The following PLD1 variants were observed in gnomAD, a reference collection of about 807,000 sequenced individuals.
The protein encoded by PLD1 is choline phosphatase 1.
In PLD1, 112 loss-of-function variants were observed where a neutral mutation model predicts 137.1. The ratio of observed to expected loss-of-function variants is 0.82; its 90% CI spans 0.70 to 0.96. The LOEUF (loss-of-function observed/expected upper bound fraction) is 0.96. Ranked by LOEUF, PLD1 falls within the 40% of genes least tolerant of loss-of-function variation. The pLI is 0.00. For synonymous variants in PLD1, 431 were observed against 454.7 expected, an observed-to-expected ratio of 0.95 and a Z score of 0.66; for missense variants, 1,321 against 1,342.0, an observed-to-expected ratio of 0.98 and a Z score of 0.24.
At chr3:171,617,159 T>C (rs1733185593) in intron 24 of PLD1, among the ~76,000 whole-genome samples, 2 of 152,234 alleles carry the variant, frequency 1.3e-5, no homozygotes, top group African/African-American at 4.8e-5. Context: ...CAGGCATTGG[T>C]ATACCACTCC....
chr3:171,708,651 T>TA, intron 11 of PLD1, 104 bp downstream of exon 11: 2 of 663,642 alleles, frequency 3.0e-6, no homozygotes, highest in Non-Finnish European at 5.4e-6. Flanking sequence ...CATCCACAGA[T>TA]ACAGCTGATT....
chr3:171,773,727 C>T (rs1486331139), intron 1 of PLD1, among the ~76,000 whole-genome samples: 4 of 151,286 alleles, frequency 2.6e-5, no homozygotes, highest in Non-Finnish European at 5.9e-5. Context: ...AACATTACCA[C>T]TCTATTATTA....
chr3:171,785,988 T>TCA (rs2108346350), intron 1 of PLD1, among the ~76,000 whole-genome samples: 1 of 152,312 alleles, frequency 6.6e-6, no homozygotes, highest in East Asian at 1.9e-4. Context: ...CAGGAGGGGT[T>TCA]CAATAACTGC....
At chr3:171,647,435 A>C (rs1736338543) in intron 21 of PLD1, among the ~76,000 whole-genome samples, 1 of 152,012 alleles carries the variant, frequency 6.6e-6, no homozygotes, top group African/African-American at 2.4e-5. Flanking sequence ...TGTAATATAA[A>C]ATTTGCCATT....
chr3:171,725,985 C>T lies in PLD1; in HGVS notation c.665+33G>A, dbSNP rs367901197. The T allele has an allele frequency of 8.4e-5, 123 of 1,472,962 alleles. 1 individual carries two copies. The African/African-American group carries it at 1.5e-3, about 18-fold the overall frequency. The allele number at this position is 1,472,962 out of a possible 1,614,324, so 91.2% of individuals were successfully genotyped here. On this transcript the variant is annotated intron_variant, in intron 7 of 26. Transcript: ENST00000351298. ...TAAGTGTGAATGCAAATCAATTTTT[C>T]ATACTTCTCTTTTAAGGTTTATTGC...
At chr3:171,766,465 C>T (rs913475280) in intron 1 of PLD1, among the ~76,000 whole-genome samples, 59 of 152,092 alleles carry the variant, frequency 3.9e-4, no homozygotes, top group Non-Finnish European at 6.9e-4. Flanking sequence ...ATAACACACA[C>T]ATAGAGAGGT....
At chr3:171,691,842 T>C (rs891356938) in intron 13 of PLD1, among the ~76,000 whole-genome samples, 1 of 116,798 alleles carries the variant, frequency 8.6e-6, no homozygotes, top group Non-Finnish European at 1.8e-5. Context: ...TGATAGGTTT[T>C]AGATATTGGC....
intron 22 of PLD1, 52 bp from the exon 23 acceptor site, chr3:171,642,941 C>T: frequency 1.0e-6 from 1 of 976,670 alleles, no homozygotes; most frequent in Non-Finnish European, 1.6e-6. Context: ...AACAACCAAT[C>T]CCATGCAGTA....
intron 6 of PLD1, 24 bp from the exon 7 acceptor site, chr3:171,726,100 C>G (rs764441427): frequency 1.3e-6 from 2 of 1,536,328 alleles, no homozygotes; most frequent in Non-Finnish European, 1.8e-6. Flanking sequence ...AAAAATCCAT[C>G]TTTAGCAAGC....
chr3:171,699,744 C>G lies in PLD1; in HGVS notation c.1227+1G>C, dbSNP rs781173650. On this transcript the variant is annotated splice_donor_variant, in intron 12 of 26. Coordinates refer to ENST00000351298, the MANE Select transcript of PLD1 (RefSeq NM_002662.5). LOFTEE classifies it high-confidence loss of function. ...TCAGCATTTTCTGGGAAAGTACATACTGCTTTTCGTTTAAGAATGCAGTCC... is the reference window on the plus strand; with the variant it reads ...TCAGCATTTTCTGGGAAAGTACATAGTGCTTTTCGTTTAAGAATGCAGTCC... 1.9e-6 allele frequency: 3 copies of G among 1,607,154 alleles called. No homozygotes were observed. The East Asian group carries it at 6.7e-5, about 36-fold the overall frequency.
At chr3:171,656,178 T>TTATTTATTTATTTATTTATG (rs1214176275) in intron 21 of PLD1, among the ~76,000 whole-genome samples, 3 of 151,538 alleles carry the variant, frequency 2.0e-5, no homozygotes, top group Non-Finnish European at 2.9e-5. Context: ...ATTTATTTAT[T>TTATTTATTTATTTATTTATG]TATTTATTTT....
chr3:171,757,867 T>C (rs974949849), intron 1 of PLD1, among the ~76,000 whole-genome samples: 3 of 152,254 alleles, frequency 2.0e-5, no homozygotes, highest in African/African-American at 4.8e-5. Flanking sequence ...ACATGGCTTT[T>C]ACTTAATTAA....
chr3:171,608,350 C>T (rs1033532406), intron 25 of PLD1, among the ~76,000 whole-genome samples: 3 of 148,196 alleles, frequency 2.0e-5, no homozygotes, highest in Non-Finnish European at 4.5e-5. Context: ...CAGTTCTTTT[C>T]TTCATCTATA....
At position 171,687,386 on chromosome 3, in the gene PLD1, T is replaced by C. The variant is rs772636060; in HGVS notation, c.1738A>G (p.Ile580Val). 1.2e-6 allele frequency: 2 copies of C among 1,614,132 alleles called. No individual in the cohort carries two copies. The highest frequency in any genetic ancestry group is 1.1e-5 in the South Asian group (1 of 91,082). ...CATGACTTACTGGAGGTGCTGTCAA[T>C]GCTGCTGATGCTATCTGCGTCGTGC... ...HLHDADSISS[I>V]DSTSSYFNHY... Residue 580 changes from isoleucine to valine, a missense_variant, in exon 15 of 27, where the codon ATT (isoleucine) becomes GTT (valine). Transcript: ENST00000351298.
intron 11 of PLD1, among the ~76,000 whole-genome samples, chr3:171,705,010 G>A (rs1482611241): frequency 2.6e-5 from 4 of 152,108 alleles, no homozygotes; most frequent in African/African-American, 7.2e-5. Flanking sequence ...GACAGGAGGC[G>A]GAGCTCAGGC....
At chr3:171,624,821 A>G (rs1197418990) in intron 23 of PLD1, among the ~76,000 whole-genome samples, 1 of 152,144 alleles carries the variant, frequency 6.6e-6, no homozygotes, top group African/African-American at 2.4e-5. Context: ...GAAAGAGATC[A>G]GGAGAAATAA....
intron 1 of PLD1, among the ~76,000 whole-genome samples, chr3:171,807,772 C>A (rs1457268427): frequency 6.6e-6 from 1 of 152,194 alleles, no homozygotes; most frequent in Non-Finnish European, 1.5e-5. Flanking sequence ...CACACAAATT[C>A]ATATGTTCAC....
intron 1 of PLD1, among the ~76,000 whole-genome samples, chr3:171,775,935 A>T (rs1229874620): frequency 2.0e-5 from 3 of 152,220 alleles, no homozygotes; most frequent in African/African-American, 7.2e-5. Flanking sequence ...CTCTGCGAAA[A>T]GGGGGACCCT....
intron 1 of PLD1, among the ~76,000 whole-genome samples, chr3:171,753,773 CT>C (rs1242128294): frequency 6.6e-6 from 1 of 152,116 alleles, no homozygotes; most frequent in African/African-American, 2.4e-5. Context: ...TGACTTTCCC[CT>C]ATTACCACTT....
Sources: gnomAD v4.1 joint callset for allele counts (sites outside exome capture counted in the v4.1 genomes callset) on GRCh38, gnomAD v4.1.1 for gene constraint, MANE v1.5 for transcripts, NCBI Gene and HGNC (gene_info 2026-07-23, HGNC 2026-07-21) for gene names.